The following SORCS1 variants were observed in gnomAD, a reference collection of about 807,000 sequenced individuals.
SORCS1 encodes the protein VPS10 domain-containing receptor SorCS1.
A neutral mutation model predicts 146.1 loss-of-function variants in SORCS1; 60 were observed. The observed-to-expected ratio is 0.41, with a 90% confidence interval of 0.33 to 0.51. SORCS1 has a LOEUF of 0.51. Among genes scored for constraint, SORCS1 ranks in the 20% least tolerant of loss-of-function variants. The probability of loss-of-function intolerance (pLI) is 0.21; values close to 1 mark genes in which losing one functional copy is unlikely to be tolerated. For synonymous variants in SORCS1, 637 were observed against 584.0 expected (o/e 1.09, Z -1.31); for missense variants, 1,352 against 1,487.6 (o/e 0.91, Z 1.50).
chr10:106,861,037 G>A (rs1949991457), intron 2 of SORCS1, among the ~76,000 whole-genome samples: 2 of 152,110 alleles, frequency 1.3e-5, no homozygotes, highest in South Asian at 4.1e-4. Context: ...CTGCCAATGT[G>A]TTTCACTCTC....
At chr10:107,052,758 C>G (rs948962412) in intron 1 of SORCS1, among the ~76,000 whole-genome samples, 17 of 151,988 alleles carry the variant, frequency 1.1e-4, no homozygotes, top group African/African-American at 4.1e-4. Context: ...AACTTCTGTT[C>G]TATAATGGGA....
chr10:107,180,702 G>A, the SORCS1 span, among the ~76,000 whole-genome samples: 2 of 152,032 alleles, frequency 1.3e-5, no homozygotes, highest in Non-Finnish European at 1.5e-5. Context: ...TTCTAGGTTC[G>A]TGAGATAAGA....
At chr10:107,156,188 G>GA (rs1370749630) in intron 1 of SORCS1, among the ~76,000 whole-genome samples, 1 of 152,062 alleles carries the variant, frequency 6.6e-6, no homozygotes, top group Non-Finnish European at 1.5e-5. Context: ...TCTTTCCAAA[G>GA]AAACTCAGAA....
chr10:107,131,613 T>C (rs983293672), intron 1 of SORCS1, among the ~76,000 whole-genome samples: 1 of 152,156 alleles, frequency 6.6e-6, no homozygotes. Flanking sequence ...TAGTCCCAGC[T>C]ACTCAAGAGG....
chr10:107,061,599 GTTTT>G (rs1961239717), intron 1 of SORCS1, among the ~76,000 whole-genome samples: 1 of 152,078 alleles, frequency 6.6e-6, no homozygotes, highest in African/African-American at 2.4e-5. Context: ...AACTCGTTAT[GTTTT>G]CCTTTTTGCC....
At chr10:106,605,450 T>C (rs1411780513) in intron 23 of SORCS1, among the ~76,000 whole-genome samples, 1 of 152,212 alleles carries the variant, frequency 6.6e-6, no homozygotes. Flanking sequence ...ACTCTAAATC[T>C]GTACCCTCTT....
intron 3 of SORCS1, among the ~76,000 whole-genome samples, chr10:106,807,877 A>G (rs1476574764): frequency 1.3e-5 from 2 of 152,230 alleles, no homozygotes; most frequent in Non-Finnish European, 1.5e-5. Context: ...TGCAATGTCA[A>G]TGCATTCTTT....
At chr10:107,081,501 T>A (rs1045060117) in intron 1 of SORCS1, among the ~76,000 whole-genome samples, 1 of 152,190 alleles carries the variant, frequency 6.6e-6, no homozygotes, top group Non-Finnish European at 1.5e-5. Context: ...CTCCTGTGGG[T>A]GAGAGACTTG....
chr10:106,765,364 T>A (rs1038498542), intron 4 of SORCS1, among the ~76,000 whole-genome samples: 3 of 147,168 alleles, frequency 2.0e-5, no homozygotes, highest in Admixed American at 2.0e-4. Context: ...CATGTTCCTC[T>A]CCTGAAGGGT....
chr10:106,812,061 C>T (rs924670345), intron 3 of SORCS1, among the ~76,000 whole-genome samples: 2 of 152,060 alleles, frequency 1.3e-5, no homozygotes, highest in South Asian at 2.1e-4. Flanking sequence ...AGTGCAGTGG[C>T]CCGATCCTGG....
intron 5 of SORCS1, among the ~76,000 whole-genome samples, chr10:106,753,414 C>T (rs993850249): frequency 1.3e-5 from 2 of 151,934 alleles, no homozygotes; most frequent in Non-Finnish European, 2.9e-5. Flanking sequence ...ATGGTGACCT[C>T]GTGTGTATAT....
chr10:106,684,315 G>A (rs1852656007), intron 10 of SORCS1, among the ~76,000 whole-genome samples: 4 of 152,158 alleles, frequency 2.6e-5, no homozygotes, highest in Admixed American at 2.6e-4. Context: ...TCCAGCCTGG[G>A]TGACAAAGTG....
intron 9 of SORCS1, among the ~76,000 whole-genome samples, chr10:106,691,334 T>C (rs1022813420): frequency 6.6e-6 from 1 of 152,210 alleles, no homozygotes. Flanking sequence ...GGGAAAAGAA[T>C]TGTTGCCTTT....
chr10:106,609,724 G>A (rs1846848077), intron 22 of SORCS1, among the ~76,000 whole-genome samples: 2 of 152,220 alleles, frequency 1.3e-5, no homozygotes, highest in Admixed American at 1.3e-4. Flanking sequence ...TACACAGCAG[G>A]CTAGAAATCC....
the SORCS1 span, among the ~76,000 whole-genome samples, chr10:107,176,945 G>A: frequency 3.3e-5 from 5 of 151,990 alleles, no homozygotes; most frequent in Non-Finnish European, 7.4e-5. Flanking sequence ...CTTACTAAGA[G>A]AGGTGTATCA....
chr10:106,778,727 G>A (rs557461671), intron 3 of SORCS1, among the ~76,000 whole-genome samples: 1 of 152,178 alleles, frequency 6.6e-6, no homozygotes, highest in South Asian at 2.1e-4. Flanking sequence ...ATGATAATAT[G>A]AAGAAGCTCA....
At chr10:106,877,984 C>T (rs984105596) in intron 2 of SORCS1, among the ~76,000 whole-genome samples, 2 of 152,186 alleles carry the variant, frequency 1.3e-5, no homozygotes, top group Admixed American at 6.5e-5. Context: ...AATCTCTACC[C>T]GATACTATCT....
chr10:106,862,521 G>A lies in SORCS1; in HGVS notation c.627-32848C>T, dbSNP rs543720906. Among the ~76,000 whole-genome samples, 227 of 151,778 alleles carry A rather than the reference G, an allele frequency of 1.5e-3. 1 individual carries two copies. The highest frequency in any genetic ancestry group is 2.7e-3 in the African/African-American group (111 of 41,374). ...TTTTTTAAGTGGCAGAAGAGTTTAC[G>A]CCCAAGTTAGTCCTCATTAAAACAC... On this transcript the variant is annotated intron_variant, in intron 2 of 25. Coordinates refer to ENST00000263054, the MANE Select transcript of SORCS1 (RefSeq NM_052918.5).
intron 2 of SORCS1, among the ~76,000 whole-genome samples, chr10:106,912,342 C>T (rs113747507): frequency 6.6e-6 from 1 of 152,270 alleles, no homozygotes; most frequent in African/African-American, 2.4e-5. Context: ...GTGCCCACCC[C>T]GACAGTCCAC....
Sources: allele counts gnomAD v4.1 joint callset (sites outside exome capture counted in the v4.1 genomes callset), GRCh38; gene constraint gnomAD v4.1.1; transcripts MANE v1.5; gene names NCBI Gene and HGNC (gene_info 2026-07-23, HGNC 2026-07-21).